TBL1X: variants seen among roughly 807,000 people sequenced by gnomAD.
TBL1X encodes the protein transducin beta like 1 X-linked.
A neutral mutation model predicts 50.7 loss-of-function variants in TBL1X; 10 were observed. The ratio of observed to expected loss-of-function variants is 0.20; its 90% CI spans 0.12 to 0.33. TBL1X has a LOEUF of 0.33. TBL1X is among the 10% of genes least tolerant of loss of function. The probability of loss-of-function intolerance (pLI) is 1.00; values close to 1 mark genes in which losing one functional copy is unlikely to be tolerated. For synonymous variants in TBL1X, 190 were observed against 214.7 expected (o/e 0.88, Z 1.01); for missense variants, 340 against 504.4 (o/e 0.67, Z 3.12).
chrX:9,554,645 C>G (rs1369573251), intron 2 of TBL1X, among the ~76,000 whole-genome samples: 7 of 112,327 alleles, frequency 6.2e-5, no homozygotes, highest in Non-Finnish European at 1.3e-4. Flanking sequence ...TCTGGTTGTA[C>G]AGTAACAATG....
At chrX:9,580,212 T>TATCG (rs1395904926) in intron 2 of TBL1X, among the ~76,000 whole-genome samples, 1 of 111,645 alleles carries the variant, frequency 9.0e-6, no homozygotes, top group East Asian at 2.8e-4. Flanking sequence ...TTAGGAAGTT[T>TATCG]ATTTTGCCAA....
intron 2 of TBL1X, among the ~76,000 whole-genome samples, chrX:9,524,855 G>A (rs1356478075): frequency 8.9e-6 from 1 of 111,970 alleles, no homozygotes; most frequent in East Asian, 2.8e-4. Context: ...GGGCTCAAGC[G>A]ATCCTCCTGC....
chrX:9,613,985 C>CAAAAAAAAAAAAAA (rs34481376), intron 2 of TBL1X, among the ~76,000 whole-genome samples: 1 of 50,248 alleles, frequency 2.0e-5, no homozygotes, highest in African/African-American at 7.4e-5. Flanking sequence ...GACTCCATCT[C>CAAAAAAAAAAAAAA]AAAAAAAAAA....
intron 6 of TBL1X, among the ~76,000 whole-genome samples, chrX:9,685,717 CTTTTTTTTTTTTT>C (rs752837096): frequency 6.7e-5 from 4 of 59,622 alleles, no homozygotes; most frequent in African/African-American, 2.0e-4. Context: ...CTTTTCTTTT[CTTTTTTTTTTTTT>C]TTTTTTTTTT....
At chrX:9,509,723 C>T (rs2283684) in intron 2 of TBL1X, among the ~76,000 whole-genome samples, 1 of 108,219 alleles carries the variant, frequency 9.2e-6, no homozygotes, top group African/African-American at 3.4e-5. Context: ...TGGGCTCACG[C>T]GATCAGCCCA....
chrX:9,666,183 G>C (rs994878310), intron 5 of TBL1X, among the ~76,000 whole-genome samples: 9 of 111,813 alleles, frequency 8.0e-5, no homozygotes, highest in South Asian at 3.8e-4. Context: ...TAATTTGGGG[G>C]ATCTGTTTTT....
rs778930942 is a variant in TBL1X, at chrX:9,573,821, T to C, written c.-130-66452T>C. On this transcript the variant is annotated intron_variant, in intron 2 of 17. Coordinates refer to ENST00000645353, the MANE Select transcript of TBL1X (RefSeq NM_005647.4). ...ACGCTGGGCATGGGCCGGGGCACGC[T>C]GTGTCCCAAGCATGCTTTAGGGGTC... Among the ~76,000 whole-genome samples, 20 of 113,013 alleles carry C rather than the reference T, an allele frequency of 1.8e-4. No individual in the cohort carries two copies. The South Asian group carries it at 7.1e-3, about 40-fold the overall frequency.
chrX:9,602,791 T>G (rs1339659183), intron 2 of TBL1X, among the ~76,000 whole-genome samples: 1 of 112,496 alleles, frequency 8.9e-6, no homozygotes, highest in Non-Finnish European at 1.9e-5. Flanking sequence ...ATAATGAGTC[T>G]GAGTTTTCTC....
chrX:9,554,778 C>T (rs1014882777), intron 2 of TBL1X, among the ~76,000 whole-genome samples: 21 of 111,859 alleles, frequency 1.9e-4, no homozygotes, highest in African/African-American at 6.8e-4. Context: ...TAAAATTCCC[C>T]TATTGTAAAT....
chrX:9,521,062 C>T (rs1342380625), intron 2 of TBL1X, among the ~76,000 whole-genome samples: 6 of 111,024 alleles, frequency 5.4e-5, no homozygotes, highest in Middle Eastern at 4.6e-3. Flanking sequence ...TGTGCCACTG[C>T]GCACCGGCCT....
At chrX:9,617,859 C>T (rs754650613) in intron 2 of TBL1X, among the ~76,000 whole-genome samples, 26 of 111,895 alleles carry the variant, frequency 2.3e-4, no homozygotes, top group Non-Finnish European at 4.3e-4. Context: ...GTCACATTCT[C>T]ATGGCAATAA....
At chrX:9,545,864 C>T (rs2082239557) in intron 2 of TBL1X, among the ~76,000 whole-genome samples, 1 of 111,808 alleles carries the variant, frequency 8.9e-6, no homozygotes, top group African/African-American at 3.3e-5. Flanking sequence ...TTTTACGTCT[C>T]TTTAGTCTTC....
intron 2 of TBL1X, among the ~76,000 whole-genome samples, chrX:9,608,511 C>T (rs936559732): frequency 9.0e-6 from 1 of 111,316 alleles, no homozygotes; most frequent in African/African-American, 3.3e-5. Context: ...TCCCCCATTC[C>T]GGATGGTGCA....
At chrX:9,472,316 T>C (rs1381470262) in intron 1 of TBL1X, among the ~76,000 whole-genome samples, 1 of 111,386 alleles carries the variant, frequency 9.0e-6, no homozygotes, top group Non-Finnish European at 1.9e-5. Flanking sequence ...TCTTGCTCTG[T>C]TGCCCTGATC....
At chrX:9,659,116 G>A (rs1181225935) in intron 5 of TBL1X, among the ~76,000 whole-genome samples, 1 of 111,881 alleles carries the variant, frequency 8.9e-6, no homozygotes, top group African/African-American at 3.2e-5. Context: ...GAGCCACTGC[G>A]TTACCTGGCC....
At chrX:9,615,368 G>C (rs986623396) in intron 2 of TBL1X, among the ~76,000 whole-genome samples, 2 of 111,686 alleles carry the variant, frequency 1.8e-5, no homozygotes, top group African/African-American at 6.5e-5. Context: ...GTAAAATTCA[G>C]TATTTCATTC....
intron 11 of TBL1X, among the ~76,000 whole-genome samples, chrX:9,693,639 A>G: frequency 9.0e-6 from 1 of 111,317 alleles, no homozygotes; most frequent in Middle Eastern, 4.6e-3. Context: ...CCCTCGTGCA[A>G]AGCTTCCCTT....
intron 1 of TBL1X, among the ~76,000 whole-genome samples, chrX:9,477,780 A>G (rs1414348522): frequency 8.9e-6 from 1 of 111,830 alleles, no homozygotes; most frequent in Non-Finnish European, 1.9e-5. Context: ...GCAGTTTTAG[A>G]ACATTTTCAA....
intron 5 of TBL1X, among the ~76,000 whole-genome samples, chrX:9,654,596 C>T (rs954753686): frequency 2.7e-5 from 3 of 111,245 alleles, no homozygotes; most frequent in Non-Finnish European, 5.7e-5. Context: ...GGAAGCAGTG[C>T]GGGGCTCTTG....
Sources: gnomAD v4.1 joint callset for allele counts (sites outside exome capture counted in the v4.1 genomes callset) on GRCh38, gnomAD v4.1.1 for gene constraint, MANE v1.5 for transcripts, NCBI Gene and HGNC (gene_info 2026-07-23, HGNC 2026-07-21) for gene names.